Variants in EEA1 observed in about 807,000 individuals in gnomAD.
The protein encoded by EEA1 is early endosome antigen 1, 162kD.
Under a neutral mutation model 209.2 loss-of-function variants are expected in EEA1, and 111 were observed. The observed-to-expected ratio is 0.53, with a 90% CI of 0.45 to 0.62. EEA1 has a LOEUF of 0.62. Ranked by LOEUF, EEA1 falls within the 20% of genes least tolerant of loss-of-function variation. EEA1 has a pLI of 0.00. For synonymous variants in EEA1, 536 were observed against 540.6 expected (o/e 0.99, Z 0.12); for missense variants, 1,343 against 1,530.8 (o/e 0.88, Z 2.05).
intron 1 of EEA1, among the ~76,000 whole-genome samples, chr12:92,897,882 T>C (rs2136761594): frequency 6.6e-6 from 1 of 152,324 alleles, no homozygotes; most frequent in Non-Finnish European, 1.5e-5. Context: ...AGCAATAAAA[T>C]ATTTTTTAAT....
rs141817402 is a variant in EEA1, at chr12:92,837,344, A to G, written c.916-4494T>C. 5.3e-5 allele frequency among the ~76,000 whole-genome samples: 8 copies of G among 152,296 alleles called. 1 individual carries two copies. In the East Asian group the frequency reaches 1.2e-3, roughly 22 times the overall value. On this transcript the variant is annotated intron_variant, in intron 10 of 28. Coordinates refer to ENST00000322349, the MANE Select transcript of EEA1 (RefSeq NM_003566.4). ...AAGCTGAGATTTAAGAATGCCTGTG[A>G]CTACTGCACTATACTGTTCTTATCA...
At chr12:92,846,373 C>T (rs1331498043) in intron 9 of EEA1, among the ~76,000 whole-genome samples, 1 of 152,142 alleles carries the variant, frequency 6.6e-6, no homozygotes, top group East Asian at 1.9e-4. Context: ...ATTAAAATGA[C>T]CAAACATGCC....
intron 12 of EEA1, 142 bp from the exon 13 acceptor site, chr12:92,826,427 T>G: frequency 1.3e-5 from 9 of 667,952 alleles, no homozygotes; most frequent in Non-Finnish European, 2.1e-5. Flanking sequence ...AGTGGTACCT[T>G]GGCTGGGCAC....
intron 21 of EEA1, among the ~76,000 whole-genome samples, chr12:92,796,923 T>C (rs1238294660): frequency 1.3e-5 from 2 of 152,242 alleles, no homozygotes; most frequent in Non-Finnish European, 2.9e-5. Flanking sequence ...CATTTCTCTA[T>C]GACCAGTAAG....
chr12:92,817,555 T>C (rs955252770), intron 14 of EEA1, among the ~76,000 whole-genome samples: 1 of 152,104 alleles, frequency 6.6e-6, no homozygotes, highest in African/African-American at 2.4e-5. Flanking sequence ...CATTATAGTT[T>C]TTTGTTTCTA....
At chr12:92,919,393 C>A (rs2136785480) in intron 1 of EEA1, among the ~76,000 whole-genome samples, 2 of 141,532 alleles carry the variant, frequency 1.4e-5, no homozygotes, top group South Asian at 2.5e-4. Context: ...AAAAGCTTAT[C>A]CACCATGATC....
intron 21 of EEA1, among the ~76,000 whole-genome samples, chr12:92,798,178 A>C (rs1016445315): frequency 6.6e-6 from 1 of 152,172 alleles, no homozygotes; most frequent in Non-Finnish European, 1.5e-5. Flanking sequence ...AATATTAATA[A>C]TTAAAACTAT....
chr12:92,888,386 C>T (rs975770815), intron 2 of EEA1, among the ~76,000 whole-genome samples: 1 of 152,060 alleles, frequency 6.6e-6, no homozygotes, highest in African/African-American at 2.4e-5. Flanking sequence ...CAAGACCATC[C>T]TGGCTAACAT....
intron 14 of EEA1, among the ~76,000 whole-genome samples, chr12:92,816,901 G>A (rs894100426): frequency 6.7e-6 from 1 of 149,852 alleles, no homozygotes; most frequent in Non-Finnish European, 1.5e-5. Context: ...TCTGTGTTAC[G>A]GCTTTTATTT....
chr12:92,790,213 A>AG, intron 21 of EEA1, among the ~76,000 whole-genome samples: 1 of 152,196 alleles, frequency 6.6e-6, no homozygotes. Flanking sequence ...TAAAAATCAG[A>AG]GCACCTCTTC....
intron 26 of EEA1, 39 bp from the exon 27 acceptor site, chr12:92,777,702 A>G: frequency 1.9e-6 from 3 of 1,588,192 alleles, no homozygotes; most frequent in Non-Finnish European, 2.6e-6. Context: ...TTTTTTAGAA[A>G]ATCATTTAAA....
intron 2 of EEA1, among the ~76,000 whole-genome samples, chr12:92,871,621 T>C (rs949291687): frequency 3.9e-5 from 6 of 152,126 alleles, no homozygotes; most frequent in African/African-American, 1.4e-4. Flanking sequence ...AGAAAATAAC[T>C]AGTGTATCTC....
rs1460481772 is a variant in EEA1 at position 92,773,499 on chromosome 12, CTTCT to C, written c.*2508_*2511del. Reference sequence around the variant, plus strand: ...ACAAATCCTATACCAGCAGCTTTGTCTTCTTTCTATTAAAAAAAAGTCTGTAGGT... The same window carrying C: ...ACAAATCCTATACCAGCAGCTTTGTCTTCTATTAAAAAAAAGTCTGTAGGT... On this transcript the variant is annotated 3_prime_UTR_variant, in exon 29 of 29. Coordinates refer to ENST00000322349, the MANE Select transcript of EEA1 (RefSeq NM_003566.4). The C allele has an allele frequency of 1.3e-5, 2 of 151,934 alleles. No individual in the cohort carries two copies. Among genetic ancestry groups the C allele is most frequent in the African/African-American group, 2.4e-5 (1 of 41,344 alleles). The allele number at this position is 151,934 out of a possible 1,614,324, so 9.4% of individuals were successfully genotyped here. A position where few individuals can be genotyped will look rare whatever the true frequency, so the allele number is the denominator to read the frequency against.
At chr12:92,804,431 G>GA (rs1424289945) in intron 18 of EEA1, among the ~76,000 whole-genome samples, 4 of 151,934 alleles carry the variant, frequency 2.6e-5, no homozygotes, top group Non-Finnish European at 5.9e-5. Flanking sequence ...AATTAGCCAG[G>GA]CATGATGGCA....
intron 21 of EEA1, 106 bp from the exon 22 acceptor site, chr12:92,788,155 A>T: frequency 1.1e-6 from 1 of 951,084 alleles, no homozygotes; most frequent in Non-Finnish European, 1.4e-6. Flanking sequence ...AATAAGATGA[A>T]CTGTACTTAT....
chr12:92,870,589 C>CT (rs1878598781), intron 2 of EEA1, among the ~76,000 whole-genome samples: 1 of 152,012 alleles, frequency 6.6e-6, no homozygotes, highest in Admixed American at 6.6e-5. Flanking sequence ...TTGAGACAGT[C>CT]TGAGATTCAA....
chr12:92,925,375 C>T (rs534364372), intron 1 of EEA1, among the ~76,000 whole-genome samples: 4 of 152,132 alleles, frequency 2.6e-5, no homozygotes, highest in South Asian at 2.1e-4. Context: ...CCACGATGCC[C>T]GGCTAATTTT....
chr12:92,883,625 A>G (rs1355403992), intron 2 of EEA1: 1 of 546,386 alleles, frequency 1.8e-6, no homozygotes, highest in East Asian at 2.9e-5. Flanking sequence ...ATTTTTCTGC[A>G]TAAGCCACAT....
chr12:92,919,016 G>C (rs1438445255), intron 1 of EEA1, among the ~76,000 whole-genome samples: 1 of 137,760 alleles, frequency 7.3e-6, no homozygotes, highest in African/African-American at 2.7e-5. Flanking sequence ...TAAATTCCTC[G>C]ACACATACAC....
Sources: allele counts gnomAD v4.1 joint callset (sites outside exome capture counted in the v4.1 genomes callset), GRCh38; gene constraint gnomAD v4.1.1; transcripts MANE v1.5; gene names NCBI Gene and HGNC (gene_info 2026-07-23, HGNC 2026-07-21).